Variants in COL26A1 observed in about 807,000 individuals in gnomAD.
COL26A1 encodes the protein collagen alpha-1(XXVI) chain.
In COL26A1, 41 loss-of-function variants were observed where a neutral mutation model predicts 59.3. The observed-to-expected ratio is 0.69, with a 90% CI of 0.54 to 0.90. The LOEUF (loss-of-function observed/expected upper bound fraction) is 0.90, where lower values mean the gene tolerates loss of function less well. Among genes scored for constraint, COL26A1 ranks in the 40% least tolerant of loss-of-function variants. The pLI is 0.00. For missense variants in COL26A1, 612 were observed against 602.3 expected, an observed-to-expected ratio of 1.02 and a Z score of -0.17; for synonymous variants, 266 against 256.0, an observed-to-expected ratio of 1.04 and a Z score of -0.37.
At chr7:101,447,130 C>G (rs1033072113) in intron 2 of COL26A1, among the ~76,000 whole-genome samples, 4 of 152,100 alleles carry the variant, frequency 2.6e-5, no homozygotes, top group Non-Finnish European at 5.9e-5. Flanking sequence ...GTGGTATCAG[C>G]TGATCCATCG....
intron 10 of COL26A1, 44 bp downstream of exon 10, chr7:101,551,187 G>C (rs1252981859): frequency 8.7e-6 from 13 of 1,498,572 alleles, no homozygotes; most frequent in Non-Finnish European, 1.2e-5. Flanking sequence ...CTCCCAGGCA[G>C]AGGCTCTGAT....
At chr7:101,530,748 C>T (rs1795349670) in intron 3 of COL26A1, among the ~76,000 whole-genome samples, 1 of 151,806 alleles carries the variant, frequency 6.6e-6, no homozygotes. Flanking sequence ...CCAGGGAGGA[C>T]TCCCTCCTCT....
intron 3 of COL26A1, among the ~76,000 whole-genome samples, chr7:101,520,797 C>G (rs1795128867): frequency 6.6e-6 from 1 of 152,090 alleles, no homozygotes; most frequent in African/African-American, 2.4e-5. Flanking sequence ...TTTTTCTGGA[C>G]TTAGTGGAAA....
chr7:101,541,034 A>T (rs1369773538), intron 5 of COL26A1, among the ~76,000 whole-genome samples: 1 of 152,220 alleles, frequency 6.6e-6, no homozygotes, highest in South Asian at 2.1e-4. Context: ...GCAGTCCCTC[A>T]TGGAAACAAC....
At chr7:101,434,063 TCCC>T (rs1792846033) in intron 2 of COL26A1, among the ~76,000 whole-genome samples, 4 of 45,628 alleles carry the variant, frequency 8.8e-5, no homozygotes, top group Non-Finnish European at 8.6e-5. Context: ...CCTCCCTCCC[TCCC>T]TCCCTCCCTC....
At chr7:101,501,874 T>C (rs1480328192) in intron 3 of COL26A1, among the ~76,000 whole-genome samples, 1 of 152,110 alleles carries the variant, frequency 6.6e-6, no homozygotes, top group Non-Finnish European at 1.5e-5. Context: ...TGTGTGTGCA[T>C]GCATGGGCCC....
chr7:101,435,490 C>T (rs2130336766), intron 2 of COL26A1, among the ~76,000 whole-genome samples: 1 of 152,210 alleles, frequency 6.6e-6, no homozygotes, highest in South Asian at 2.1e-4. Context: ...ACCATGCTTC[C>T]CTCCTCCGTG....
chr7:101,439,550 T>G (rs1792998584), intron 2 of COL26A1, among the ~76,000 whole-genome samples: 1 of 6,686 alleles, frequency 1.5e-4, no homozygotes. Flanking sequence ...TGAGACTCCG[T>G]CTGAAAAAAA....
At chr7:101,447,257 G>A (rs934267617) in intron 2 of COL26A1, among the ~76,000 whole-genome samples, 5 of 152,192 alleles carry the variant, frequency 3.3e-5, no homozygotes, top group African/African-American at 4.8e-5. Context: ...GCATGACCCC[G>A]TAAACCATAA....
intron 3 of COL26A1, among the ~76,000 whole-genome samples, chr7:101,521,481 G>A (rs986449804): frequency 6.6e-5 from 10 of 152,164 alleles, no homozygotes; most frequent in African/African-American, 2.4e-4. Context: ...GGGTGGTCAA[G>A]GAAGGCTTCC....
In COL26A1 at chr7:101,547,155, G is replaced by C; in HGVS notation, c.857-1G>C. ...CCCTGGCCGCTCCGCTCTTCCCACA[G>C]ATGGAGACTCAAGGCTGGCCTCTGC... On this transcript the variant is annotated splice_acceptor_variant, in intron 7 of 12. Transcript: ENST00000313669. LOFTEE classifies it high-confidence loss of function. The C allele has an allele frequency of 5.0e-6, 8 of 1,591,638 alleles. No individual in the cohort carries two copies. Among genetic ancestry groups the C allele is most frequent in the Non-Finnish European group, 6.8e-6 (8 of 1,170,644 alleles).
chr7:101,387,736 T>TTATATATATATATATTTATATA (rs1791615247), intron 1 of COL26A1, among the ~76,000 whole-genome samples: 1 of 106,936 alleles, frequency 9.4e-6, no homozygotes, highest in African/African-American at 3.8e-5. Context: ...TTTAATATAA[T>TTATATATATATATATTTATATA]TATATATATA....
At position 101,549,214 on chromosome 7, in the gene COL26A1, T is replaced by A. The variant is rs1422352427; in HGVS notation, c.984T>A (p.Pro328=). 1.1e-5 allele frequency: 18 copies of A among 1,605,680 alleles called. No individual in the cohort carries two copies. Among genetic ancestry groups the A allele is most frequent in the Non-Finnish European group, 1.5e-5 (18 of 1,175,782 alleles). ...GTCCCCCAGGACCCCCAGGAACACC[T>A]GGATCCCAGGTAAGGACTTTGCCAT... ...PRGPPGPPGT[P]GSQGLAGERG... The change falls in exon 9 of 13, where the codon CCT becomes CCA. Residue 328 remains proline, a synonymous_variant. Coordinates refer to ENST00000313669, the MANE Select transcript of COL26A1 (RefSeq NM_001278563.3).
intron 1 of COL26A1, among the ~76,000 whole-genome samples, chr7:101,396,171 G>A (rs958488821): frequency 2.6e-5 from 4 of 151,974 alleles, no homozygotes; most frequent in African/African-American, 7.2e-5. Context: ...GGAGGGTGAG[G>A]GGGGGATAAT....
chr7:101,516,863 C>T (rs1312843433), intron 3 of COL26A1, among the ~76,000 whole-genome samples: 3 of 152,140 alleles, frequency 2.0e-5, no homozygotes, highest in African/African-American at 7.2e-5. Flanking sequence ...CTATTCGGGG[C>T]AGCAATACAC....
At chr7:101,376,153 A>AAG (rs1233279503) in intron 1 of COL26A1, among the ~76,000 whole-genome samples, 1 of 144,356 alleles carries the variant, frequency 6.9e-6, no homozygotes, top group African/African-American at 2.6e-5. Context: ...AAAAAAAAAA[A>AAG]GAATAGAAAC....
intron 10 of COL26A1, among the ~76,000 whole-genome samples, 188 bp downstream of exon 10, chr7:101,551,331 G>A (rs939385195): frequency 3.3e-5 from 5 of 152,132 alleles, no homozygotes; most frequent in Non-Finnish European, 7.4e-5. Context: ...GGAGGGAAGC[G>A]ACCTCCAGAG....
At chr7:101,365,285 T>G (rs6973822) in intron 1 of COL26A1, among the ~76,000 whole-genome samples, 4 of 152,122 alleles carry the variant, frequency 2.6e-5, no homozygotes, top group African/African-American at 9.7e-5. Flanking sequence ...GAAAATCAGA[T>G]CTACATCTAG....
At chr7:101,549,806 T>A (rs1316852393) in intron 9 of COL26A1, among the ~76,000 whole-genome samples, 2 of 152,178 alleles carry the variant, frequency 1.3e-5, no homozygotes, top group Non-Finnish European at 2.9e-5. Context: ...AGAGACCAGA[T>A]GCTGCCTGAG....
Sources: allele counts gnomAD v4.1 joint callset (sites outside exome capture counted in the v4.1 genomes callset), GRCh38; gene constraint gnomAD v4.1.1; transcripts MANE v1.5; gene names NCBI Gene and HGNC (gene_info 2026-07-23, HGNC 2026-07-21).